Variants in GABRA5 observed in about 807,000 individuals in gnomAD.
GABRA5 encodes gamma-aminobutyric acid type A receptor subunit alpha5.
Under a neutral mutation model 47.3 loss-of-function variants are expected in GABRA5, and 18 were observed. That is an observed-to-expected ratio of 0.38 (90% CI 0.26 to 0.56). The LOEUF is 0.56. Among genes scored for constraint, GABRA5 ranks in the 20% least tolerant of loss-of-function variants. The pLI is 0.71. For synonymous variants in GABRA5, 237 were observed against 229.3 expected (o/e 1.03, Z -0.30); for missense variants, 365 against 599.3 (o/e 0.61, Z 4.08).
chr15:26,939,805 A>T, intron 8 of GABRA5, 120 bp from the exon 9 acceptor site: 2 of 950,162 alleles, frequency 2.1e-6, no homozygotes, highest in East Asian at 2.4e-5. Context: ...AACCCAGATC[A>T]TACAAATGAA....
chr15:26,873,147 T>C lies in GABRA5; in HGVS notation c.86+3813T>C, dbSNP rs563047328. Among the ~76,000 whole-genome samples, 4 of 152,202 alleles carry C rather than the reference T, an allele frequency of 2.6e-5. 1 individual carries two copies. The highest frequency in any genetic ancestry group is 9.6e-5 in the African/African-American group (4 of 41,528). ...ACTATATTTATTTTAGTAAGACCAGTAAACAAAAGTACATAGTATAGAAAA... is the reference window on the plus strand; with the variant it reads ...ACTATATTTATTTTAGTAAGACCAGCAAACAAAAGTACATAGTATAGAAAA... On this transcript the variant is annotated intron_variant, in intron 3 of 10. Coordinates refer to ENST00000335625, the MANE Select transcript of GABRA5 (RefSeq NM_000810.4).
chr15:26,935,648 C>A (rs544019078), intron 7 of GABRA5, among the ~76,000 whole-genome samples: 1 of 152,360 alleles, frequency 6.6e-6, no homozygotes, highest in South Asian at 2.1e-4. Flanking sequence ...TGGGCCACAG[C>A]CTCCACACTT....
chr15:26,879,291 C>G (rs1017217549), intron 3 of GABRA5, among the ~76,000 whole-genome samples: 14 of 152,148 alleles, frequency 9.2e-5, no homozygotes, highest in Non-Finnish European at 2.9e-5. Flanking sequence ...CCAATAGTTA[C>G]ACAACTGGGC....
intron 3 of GABRA5, among the ~76,000 whole-genome samples, chr15:26,879,228 G>A (rs905585850): frequency 1.3e-5 from 2 of 152,192 alleles, no homozygotes; most frequent in African/African-American, 2.4e-5. Context: ...TGCAAACTCG[G>A]TGACAATTAT....
chr15:26,917,080 G>A (rs181788843), intron 7 of GABRA5, among the ~76,000 whole-genome samples: 9 of 151,982 alleles, frequency 5.9e-5, no homozygotes, highest in Admixed American at 3.3e-4. Context: ...TTGTTGAATC[G>A]TTCTGGCTAG....
intron 6 of GABRA5, among the ~76,000 whole-genome samples, chr15:26,912,480 T>C (rs1031825602): frequency 8.5e-5 from 13 of 152,264 alleles, no homozygotes; most frequent in Non-Finnish European, 1.6e-4. Flanking sequence ...ATAAGTTTTT[T>C]CTTTATTTAC....
rs148828452 is a variant in GABRA5 at position 26,895,180 on chromosome 15, C to T, written c.497+11623C>T. ...CCCACCACGTCCTGACCCCACCTGC[C>T]GCCCCCTTCACCCTTCAGTCCCCCC... On this transcript the variant is annotated intron_variant, in intron 6 of 10. Transcript: ENST00000335625. Among the ~76,000 whole-genome samples, 535 of 152,122 alleles carry T rather than the reference C, an allele frequency of 3.5e-3. 4 individuals are homozygous for T. The highest frequency in any genetic ancestry group is 0.012 in the African/African-American group (506 of 41,494).
intron 7 of GABRA5, among the ~76,000 whole-genome samples, chr15:26,931,257 C>T (rs940104809): frequency 1.6e-4 from 24 of 152,150 alleles, no homozygotes. Flanking sequence ...TATTGGGTAG[C>T]TCATACATAA....
At chr15:26,929,729 C>G (rs1447377328) in intron 7 of GABRA5, among the ~76,000 whole-genome samples, 3 of 152,172 alleles carry the variant, frequency 2.0e-5, no homozygotes, top group African/African-American at 7.2e-5. Flanking sequence ...GAGCAGAGCC[C>G]AAGAGGTAAG....
At chr15:26,887,867 C>G (rs1772122706) in intron 6 of GABRA5, among the ~76,000 whole-genome samples, 1 of 152,314 alleles carries the variant, frequency 6.6e-6, no homozygotes, top group Non-Finnish European at 1.5e-5. Flanking sequence ...TCAGGGTGAT[C>G]AGCATATCCG....
rs1555391749 is a variant in GABRA5 at position 26,911,378 on chromosome 15, C to CACACACACACACACACAA, written c.498-3408_498-3407insAACACACACACACACACA. 9.8e-5 allele frequency among the ~76,000 whole-genome samples: 13 copies of CACACACACACACACACAA among 133,088 alleles called. No individual in the cohort carries two copies. The South Asian group carries it at 1.4e-3, about 14-fold the overall frequency. 87.3% of individuals were successfully genotyped at this position (133,088 alleles called of 152,430 possible). A position where few individuals can be genotyped will look rare whatever the true frequency, so the allele number is the denominator to read the frequency against. On this transcript the variant is annotated intron_variant, in intron 6 of 10. Transcript: ENST00000335625. ...CCCCCACCCTTGCTGCATGCACACA[C>CACACACACACACACACAA]ACACACACACACACACACAAACACA...
rs1362574556 is a variant in GABRA5 at position 26,867,809 on chromosome 15, G to C, written c.-140+698G>C. On this transcript the variant is annotated intron_variant, in intron 1 of 10. Coordinates refer to ENST00000335625, the MANE Select transcript of GABRA5 (RefSeq NM_000810.4). The surrounding 1 kb of genome is among the most constrained non-coding windows in gnomAD (Gnocchi z 5.9). ...TGGACTCGGACCCCGCGGGGGTGTC[G>C]CGCGCGTGTCGCGCGGGCTGCTCGA... 6.6e-6 allele frequency: 1 copy of C among 152,044 alleles called. No individual in the cohort carries two copies. The highest frequency in any genetic ancestry group is 2.4e-5 in the African/African-American group (1 of 41,420). 9.4% of individuals were successfully genotyped at this position (152,044 alleles called of 1,614,324 possible). A position where few individuals can be genotyped will look rare whatever the true frequency, so the allele number is the denominator to read the frequency against.
rs201726196 is a variant in GABRA5, at chr15:26,890,426, A to ATTTTTTTTTTTTT, written c.497+6875_497+6887dup. Among the ~76,000 whole-genome samples, 172 of 128,566 alleles carry ATTTTTTTTTTTTT rather than the reference A, an allele frequency of 1.3e-3. 1 individual carries two copies. The highest frequency in any genetic ancestry group is 4.9e-3 in the African/African-American group (153 of 31,214). The allele number at this position is 128,566 out of a possible 152,430, so 84.3% of individuals were successfully genotyped here. ...CATCTCAAGATTTGTAGTCACTTCA[A>ATTTTTTTTTTTTT]TTTTTTTTTTTTTTTTTTGCTTTGG... On this transcript the variant is annotated intron_variant, in intron 6 of 10. Coordinates refer to ENST00000335625, the MANE Select transcript of GABRA5 (RefSeq NM_000810.4).
chr15:26,874,121 G>T (rs1032279256), intron 3 of GABRA5, among the ~76,000 whole-genome samples: 3 of 152,060 alleles, frequency 2.0e-5, no homozygotes, highest in Non-Finnish European at 2.9e-5. Flanking sequence ...GTGGGCTTTC[G>T]GGTTTTTACA....
chr15:26,922,779 G>A (rs1893873074), intron 7 of GABRA5, among the ~76,000 whole-genome samples: 1 of 152,146 alleles, frequency 6.6e-6, no homozygotes, highest in African/African-American at 2.4e-5. Flanking sequence ...ATTAATTAAA[G>A]AGACAAGGTC....
At chr15:26,930,547 A>G (rs1335036809) in intron 7 of GABRA5, among the ~76,000 whole-genome samples, 1 of 152,180 alleles carries the variant, frequency 6.6e-6, no homozygotes, top group East Asian at 1.9e-4. Flanking sequence ...AGTTTCCAAT[A>G]ACATGTTCCT....
chr15:26,934,426 G>T (rs1894187212), intron 7 of GABRA5, among the ~76,000 whole-genome samples: 1 of 152,182 alleles, frequency 6.6e-6, no homozygotes, highest in Non-Finnish European at 1.5e-5. Context: ...GAGTCACACA[G>T]TCGCCGGAGC....
At chr15:26,898,625 C>T (rs2140277288) in intron 6 of GABRA5, among the ~76,000 whole-genome samples, 1 of 152,276 alleles carries the variant, frequency 6.6e-6, no homozygotes, top group African/African-American at 2.4e-5. Context: ...GTCAGCATTC[C>T]CTCTGACCTG....
At chr15:26,933,173 A>G (rs1176082856) in intron 7 of GABRA5, among the ~76,000 whole-genome samples, 1 of 151,990 alleles carries the variant, frequency 6.6e-6, no homozygotes, top group Non-Finnish European at 1.5e-5. Context: ...AAAAATCACT[A>G]TTTGTGGGGC....
Sources: allele counts gnomAD v4.1 joint callset (sites outside exome capture counted in the v4.1 genomes callset), GRCh38; gene constraint gnomAD v4.1.1; non-coding constraint Gnocchi (gnomAD v3.1); transcripts MANE v1.5; gene names NCBI Gene and HGNC (gene_info 2026-07-23, HGNC 2026-07-21).